SDK1: variants seen among roughly 807,000 people sequenced by gnomAD.
SDK1 encodes the protein sidekick cell adhesion molecule 1.
A neutral mutation model predicts 245.5 loss-of-function variants in SDK1; 157 were observed. That is an observed-to-expected ratio of 0.64 (90% CI 0.56 to 0.73). The LOEUF (loss-of-function observed/expected upper bound fraction) is 0.73, where lower values mean the gene tolerates loss of function less well. Among genes scored for constraint, SDK1 ranks in the 30% least tolerant of loss-of-function variants. SDK1 has a pLI of 0.00. For missense variants in SDK1, 3,583 were observed against 3,002.3 expected, an observed-to-expected ratio of 1.19 and a Z score of -4.52; for synonymous variants, 1,647 against 1,278.5, an observed-to-expected ratio of 1.29 and a Z score of -6.15.
chr7:3,713,195 C>T (rs570897293), intron 4 of SDK1, among the ~76,000 whole-genome samples: 17 of 152,250 alleles, frequency 1.1e-4, no homozygotes, highest in African/African-American at 3.9e-4. Context: ...GGCTGCTCAG[C>T]GAATTGATGG....
intron 36 of SDK1, 71 bp from the exon 37 acceptor site, chr7:4,208,028 T>C (rs875351): frequency 0.074 from 89,048 of 1,199,736 alleles, 3,726 homozygotes; most frequent in Admixed American, 0.12. Flanking sequence ...GCTTTGACCT[T>C]ACACTCAGTG....
At chr7:3,812,285 A>G (rs777428051) in intron 4 of SDK1, among the ~76,000 whole-genome samples, 4 of 152,224 alleles carry the variant, frequency 2.6e-5, no homozygotes, top group Non-Finnish European at 5.9e-5. Flanking sequence ...TTCTTCATTA[A>G]TTTAACACAC....
chr7:3,676,532 A>G (rs923894364), intron 4 of SDK1, among the ~76,000 whole-genome samples: 3 of 151,918 alleles, frequency 2.0e-5, no homozygotes, highest in Non-Finnish European at 2.9e-5. Context: ...TCACCCTGTT[A>G]GCCGGGATGG....
At chr7:3,443,001 G>A (rs1780240417) in intron 1 of SDK1, among the ~76,000 whole-genome samples, 1 of 150,302 alleles carries the variant, frequency 6.7e-6, no homozygotes, top group African/African-American at 2.5e-5. Context: ...TGGGAAGCAT[G>A]TTTACTTATA....
chr7:4,070,502 A>G (rs936636740), intron 20 of SDK1, among the ~76,000 whole-genome samples: 3 of 152,136 alleles, frequency 2.0e-5, no homozygotes, highest in Admixed American at 6.5e-5. Flanking sequence ...GCAGCATCCC[A>G]GGTGCCCTGG....
intron 1 of SDK1, among the ~76,000 whole-genome samples, chr7:3,494,846 G>T (rs541604085): frequency 6.6e-6 from 1 of 152,216 alleles, no homozygotes; most frequent in Non-Finnish European, 1.5e-5. Context: ...AACTTAATGT[G>T]TATAAGAAGT....
chr7:3,700,858 T>C (rs1368797974), intron 4 of SDK1, among the ~76,000 whole-genome samples: 1 of 152,198 alleles, frequency 6.6e-6, no homozygotes, highest in African/African-American at 2.4e-5. Flanking sequence ...TTATTTCTAT[T>C]TTTTTGGTGT....
chr7:3,351,277 A>G (rs1291144259), intron 1 of SDK1, among the ~76,000 whole-genome samples: 2 of 152,170 alleles, frequency 1.3e-5, no homozygotes, highest in Non-Finnish European at 2.9e-5. Context: ...AGTTATATTG[A>G]GACATATAAA....
At chr7:3,736,949 G>A (rs1047350712) in intron 4 of SDK1, among the ~76,000 whole-genome samples, 1 of 152,124 alleles carries the variant, frequency 6.6e-6, no homozygotes, top group African/African-American at 2.4e-5. Context: ...CTCAGCCTTG[G>A]CAACCAGCAT....
chr7:3,865,108 A>G (rs576770765), intron 5 of SDK1, among the ~76,000 whole-genome samples: 1 of 152,312 alleles, frequency 6.6e-6, no homozygotes, highest in Admixed American at 6.5e-5. Flanking sequence ...CAGGAGTAGA[A>G]AGGAAGGGCA....
At chr7:4,224,796 C>T (rs1259531132) in intron 40 of SDK1, among the ~76,000 whole-genome samples, 2 of 151,654 alleles carry the variant, frequency 1.3e-5, no homozygotes, top group Non-Finnish European at 2.9e-5. Flanking sequence ...GCCTGACCAA[C>T]ATGGTGAAAC....
chr7:3,904,947 C>T (rs1407290774), intron 5 of SDK1, among the ~76,000 whole-genome samples: 2 of 149,860 alleles, frequency 1.3e-5, no homozygotes, highest in African/African-American at 4.9e-5. Flanking sequence ...GAGTGGAGAT[C>T]GCGCCACTGC....
intron 1 of SDK1, among the ~76,000 whole-genome samples, chr7:3,515,884 A>C (rs1179429198): frequency 6.6e-6 from 1 of 152,168 alleles, no homozygotes; most frequent in African/African-American, 2.4e-5. Context: ...CTAATGAAAA[A>C]TATTCTTCAC....
At chr7:3,416,944 G>A (rs911183347) in intron 1 of SDK1, among the ~76,000 whole-genome samples, 1 of 152,094 alleles carries the variant, frequency 6.6e-6, no homozygotes, top group East Asian at 1.9e-4. Context: ...AGGATGAGGT[G>A]GATGGATCAC....
At chr7:3,350,014 A>T (rs1227725001) in intron 1 of SDK1, among the ~76,000 whole-genome samples, 2 of 152,134 alleles carry the variant, frequency 1.3e-5, no homozygotes, top group African/African-American at 4.8e-5. Flanking sequence ...AAGTTTGGGG[A>T]CTTTGTGCCT....
chr7:3,728,686 T>A (rs111346447), intron 4 of SDK1, among the ~76,000 whole-genome samples: 20,922 of 152,088 alleles, frequency 0.14, 2,199 homozygotes, highest in African/African-American at 0.29. Flanking sequence ...GCTTACTGTA[T>A]CCTCCACCTC....
intron 4 of SDK1, among the ~76,000 whole-genome samples, chr7:3,693,519 A>T (rs1784489996): frequency 6.6e-6 from 1 of 152,108 alleles, no homozygotes; most frequent in South Asian, 2.1e-4. Flanking sequence ...CCGTCAGCTG[A>T]TCCATGCTTT....
chr7:4,225,093 A>G (rs1195888284), intron 40 of SDK1, among the ~76,000 whole-genome samples: 1 of 150,032 alleles, frequency 6.7e-6, no homozygotes, highest in Non-Finnish European at 1.5e-5. Context: ...CTCCCTGACT[A>G]CAGATTAAGG....
At chr7:4,086,899 T>A (rs1781460343) in intron 22 of SDK1, among the ~76,000 whole-genome samples, 1 of 152,116 alleles carries the variant, frequency 6.6e-6, no homozygotes, top group Non-Finnish European at 1.5e-5. Context: ...TGGGGGAGAT[T>A]CCCAGGCATG....
Sources: allele counts gnomAD v4.1 joint callset (sites outside exome capture counted in the v4.1 genomes callset), GRCh38; gene constraint gnomAD v4.1.1; transcripts MANE v1.5; gene names NCBI Gene and HGNC (gene_info 2026-07-23, HGNC 2026-07-21).